GALNTL6: variants seen among roughly 807,000 people sequenced by gnomAD.
The protein encoded by GALNTL6 is polypeptide N-acetylgalactosaminyltransferase like 6.
In GALNTL6, 46 loss-of-function variants were observed where a neutral mutation model predicts 73.7. The observed-to-expected ratio is 0.62, with a 90% confidence interval of 0.49 to 0.80. The LOEUF is 0.80. GALNTL6 is among the 30% of genes least tolerant of loss of function. The pLI is 0.00. For missense variants in GALNTL6, 604 were observed against 755.0 expected, an observed-to-expected ratio of 0.80 and a Z score of 2.34; for synonymous variants, 259 against 263.7, an observed-to-expected ratio of 0.98 and a Z score of 0.17.
At chr4:173,006,226 G>A (rs1752280423) in intron 10 of GALNTL6, among the ~76,000 whole-genome samples, 1 of 152,076 alleles carries the variant, frequency 6.6e-6, no homozygotes, top group Non-Finnish European at 1.5e-5. Context: ...CAGAGCTCCT[G>A]GACTCAAGTA....
In GALNTL6 at chr4:172,823,256, A is replaced by G. The variant is rs574083559; in HGVS notation, c.923+9533A>G. ...CTATATATTAGCTTCATTTCACTTC[A>G]TTTTCTCACCCAAAGCTTCATTGCT... On this transcript the variant is annotated intron_variant, in intron 7 of 12. Transcript: ENST00000506823. Among the ~76,000 whole-genome samples the G allele has an allele frequency of 1.9e-3, 289 of 152,026 alleles. 1 individual carries two copies. The highest frequency in any genetic ancestry group is 6.3e-3 in the African/African-American group (261 of 41,438).
intron 5 of GALNTL6, among the ~76,000 whole-genome samples, chr4:172,640,156 A>C (rs1313655290): frequency 1.3e-5 from 2 of 152,154 alleles, no homozygotes; most frequent in Non-Finnish European, 2.9e-5. Flanking sequence ...AAAAGTCATC[A>C]AAAAACCATT....
intron 2 of GALNTL6, among the ~76,000 whole-genome samples, chr4:171,818,351 T>G (rs930670863): frequency 2.0e-5 from 3 of 151,868 alleles, no homozygotes; most frequent in Admixed American, 2.0e-4. Context: ...CTAAATACAT[T>G]TTTAAAAACC....
intron 5 of GALNTL6, among the ~76,000 whole-genome samples, chr4:172,351,183 C>CTGTCTGTCTGTCTGTCTATCTATT (rs528746102): frequency 4.6e-5 from 6 of 131,528 alleles, no homozygotes; most frequent in South Asian, 4.5e-4. Flanking sequence ...AATAATCTGT[C>CTGTCTGTCTGTCTGTCTATCTATT]TATCTATCTA....
chr4:173,026,380 G>C (rs1753233022), intron 12 of GALNTL6, among the ~76,000 whole-genome samples: 1 of 152,176 alleles, frequency 6.6e-6, no homozygotes, highest in African/African-American at 2.4e-5. Flanking sequence ...GACTGGAATG[G>C]TGTATAAATA....
intron 9 of GALNTL6, among the ~76,000 whole-genome samples, chr4:172,934,415 G>GT (rs912795322): frequency 6.6e-6 from 1 of 151,258 alleles, no homozygotes; most frequent in Non-Finnish European, 1.5e-5. Context: ...AAACTATAAG[G>GT]TTTTTTTCAT....
intron 2 of GALNTL6, among the ~76,000 whole-genome samples, chr4:171,912,630 T>C (rs1737508443): frequency 6.6e-6 from 1 of 152,170 alleles, no homozygotes; most frequent in Admixed American, 6.5e-5. Flanking sequence ...CCCTGCTATA[T>C]TATTGAATAC....
rs181473042 is a variant in GALNTL6, at chr4:172,204,002, T to A, written c.139-25654T>A. Reference sequence around the variant, plus strand: ...CTCAGGTGATCTGCCCACCTCAACCTCCCAAAGTGCTAGGATTACAGGCAT... The same window carrying A: ...CTCAGGTGATCTGCCCACCTCAACCACCCAAAGTGCTAGGATTACAGGCAT... On this transcript the variant is annotated intron_variant, in intron 2 of 12. Coordinates refer to ENST00000506823, the MANE Select transcript of GALNTL6 (RefSeq NM_001034845.3). Among the ~76,000 whole-genome samples, 116 of 152,278 alleles carry A rather than the reference T, an allele frequency of 7.6e-4. 1 individual carries two copies. Among genetic ancestry groups the A allele is most frequent in the African/African-American group, 2.7e-3 (114 of 41,576 alleles).
rs1050382161 is a variant in GALNTL6, at chr4:172,642,105, G to T, written c.554-167256G>T. 7.9e-5 allele frequency among the ~76,000 whole-genome samples: 12 copies of T among 151,928 alleles called. No individual in the cohort carries two copies. In the South Asian group the frequency reaches 1.7e-3, roughly 21 times the overall value. ...TGTTGGCAAGTATGTGAAGAAAAGG[G>T]GACCCTTGAATACTGTTTGTGGGAA... On this transcript the variant is annotated intron_variant, in intron 5 of 12. Coordinates refer to ENST00000506823, the MANE Select transcript of GALNTL6 (RefSeq NM_001034845.3).
At chr4:172,702,186 A>G (rs923887484) in intron 5 of GALNTL6, among the ~76,000 whole-genome samples, 5 of 152,094 alleles carry the variant, frequency 3.3e-5, no homozygotes, top group Admixed American at 2.6e-4. Flanking sequence ...TTATATCAAT[A>G]TTAGAATGAG....
At chr4:172,233,749 G>T (rs1181565045) in intron 3 of GALNTL6, among the ~76,000 whole-genome samples, 1 of 151,774 alleles carries the variant, frequency 6.6e-6, no homozygotes, top group Admixed American at 6.6e-5. Flanking sequence ...TTCTTACATT[G>T]TACTCTTCCT....
intron 2 of GALNTL6, among the ~76,000 whole-genome samples, chr4:172,059,347 G>A (rs1018383409): frequency 6.6e-6 from 1 of 152,126 alleles, no homozygotes; most frequent in African/African-American, 2.4e-5. Context: ...TTGTCAATGG[G>A]TGACTAAAGA....
At chr4:172,987,558 A>G (rs1284685269) in intron 10 of GALNTL6, among the ~76,000 whole-genome samples, 1 of 152,188 alleles carries the variant, frequency 6.6e-6, no homozygotes, top group African/African-American at 2.4e-5. Flanking sequence ...AAAGTACAGC[A>G]AGAATAATTA....
intron 2 of GALNTL6, among the ~76,000 whole-genome samples, chr4:172,087,512 A>G (rs1460112512): frequency 2.0e-5 from 3 of 151,910 alleles, no homozygotes; most frequent in Non-Finnish European, 4.4e-5. Flanking sequence ...GAAACAAGAT[A>G]GAAATGTATA....
rs114416814 is a variant in GALNTL6 at position 172,387,866 on chromosome 4, T to C, written c.553+39177T>C. 3.4e-3 allele frequency among the ~76,000 whole-genome samples: 524 copies of C among 152,250 alleles called. 2 individuals carry two copies. The highest frequency in any genetic ancestry group is 0.012 in the African/African-American group (486 of 41,550). ...CCTCTGTTTTTTTGCTCATGCTGTA[T>C]CCTCCTTCTGAGACATTTTCAAACA... On this transcript the variant is annotated intron_variant, in intron 5 of 12. Transcript: ENST00000506823.
chr4:171,851,251 A>G (rs985061558), intron 2 of GALNTL6, among the ~76,000 whole-genome samples: 1 of 152,176 alleles, frequency 6.6e-6, no homozygotes, highest in Admixed American at 6.5e-5. Flanking sequence ...AACTTAGCTC[A>G]TCACTGGATT....
intron 5 of GALNTL6, among the ~76,000 whole-genome samples, chr4:172,442,228 A>G (rs184779479): frequency 5.3e-5 from 8 of 152,214 alleles, no homozygotes; most frequent in Admixed American, 3.3e-4. Context: ...CACAACTACT[A>G]TGTCCCACTC....
chr4:172,287,457 T>C (rs1287118260), intron 3 of GALNTL6, among the ~76,000 whole-genome samples: 1 of 152,228 alleles, frequency 6.6e-6, no homozygotes, highest in African/African-American at 2.4e-5. Flanking sequence ...TAGACACTGT[T>C]TTATTTATCA....
chr4:172,785,614 A>G (rs28484578), intron 5 of GALNTL6, among the ~76,000 whole-genome samples: 6,969 of 152,184 alleles, frequency 0.046, 269 homozygotes, highest in African/African-American at 0.11. Flanking sequence ...ATAAAAACGT[A>G]TGATATATCA....
Sources: allele counts gnomAD v4.1 joint callset (sites outside exome capture counted in the v4.1 genomes callset), GRCh38; gene constraint gnomAD v4.1.1; transcripts MANE v1.5; gene names NCBI Gene and HGNC (gene_info 2026-07-23, HGNC 2026-07-21).